Variants in PTPN9 observed in about 807,000 individuals in gnomAD.
PTPN9 encodes the protein tyrosine-protein phosphatase non-receptor type 9.
In PTPN9, 26 loss-of-function variants were observed where a neutral mutation model predicts 69.8. That is an observed-to-expected ratio of 0.37 (90% CI 0.27 to 0.52). PTPN9 has a LOEUF of 0.52. PTPN9 is among the 20% of genes least tolerant of loss of function. PTPN9 has a pLI of 0.91. For synonymous variants in PTPN9, 274 were observed against 272.5 expected (o/e 1.01, Z -0.05); for missense variants, 549 against 740.3 (o/e 0.74, Z 3.00).
chr15:75,557,462 G>A (rs1236132537), intron 1 of PTPN9, among the ~76,000 whole-genome samples: 1 of 151,890 alleles, frequency 6.6e-6, no homozygotes, highest in African/African-American at 2.4e-5. Context: ...AGAGAATAGT[G>A]CTGCTATGAC....
chr15:75,470,060 T>G, intron 11 of PTPN9, 61 bp from the exon 12 acceptor site: 7 of 1,461,188 alleles, frequency 4.8e-6, no homozygotes, highest in Non-Finnish European at 6.6e-6. Flanking sequence ...TAGCTACCTC[T>G]GGCTTTTCCA....
chr15:75,549,649 A>C (rs1472167039), intron 1 of PTPN9, among the ~76,000 whole-genome samples: 1 of 152,190 alleles, frequency 6.6e-6, no homozygotes, highest in Non-Finnish European at 1.5e-5. Flanking sequence ...AACCTAAAAG[A>C]AAAGTAACAG....
At chr15:75,485,872 G>A (rs1408447247) in intron 8 of PTPN9, among the ~76,000 whole-genome samples, 5 of 150,854 alleles carry the variant, frequency 3.3e-5, no homozygotes, top group African/African-American at 9.7e-5. Flanking sequence ...AGGCCAAGGC[G>A]GGCAGATCAC....
At chr15:75,511,931 CTCAAGGGT>C (rs2074847411) in intron 5 of PTPN9, among the ~76,000 whole-genome samples, 2 of 150,818 alleles carry the variant, frequency 1.3e-5, no homozygotes, top group Admixed American at 1.3e-4. Flanking sequence ...ACGATATCTG[CTCAAGGGT>C]TCAACCAATT....
intron 7 of PTPN9, among the ~76,000 whole-genome samples, chr15:75,498,810 G>A (rs1399667233): frequency 6.6e-6 from 1 of 152,170 alleles, no homozygotes; most frequent in Non-Finnish European, 1.5e-5. Flanking sequence ...GCAACGAGGG[G>A]AGCCTTGTGG....
chr15:75,535,769 T>A (rs2074980191), intron 1 of PTPN9, among the ~76,000 whole-genome samples: 1 of 152,196 alleles, frequency 6.6e-6, no homozygotes, highest in Non-Finnish European at 1.5e-5. Flanking sequence ...ACTGCCTTTT[T>A]ATATCTATTG....
chr15:75,514,100 CA>C (rs71140167), intron 5 of PTPN9, among the ~76,000 whole-genome samples: 24,931 of 114,704 alleles, frequency 0.22, 2,398 homozygotes, highest in Non-Finnish European at 0.28. Context: ...CACTCTGTCT[CA>C]AAAAAAAAAA....
intron 1 of PTPN9, among the ~76,000 whole-genome samples, chr15:75,564,732 G>T (rs2075119488): frequency 6.6e-6 from 1 of 152,082 alleles, no homozygotes; most frequent in Admixed American, 6.6e-5. Context: ...CAAGGTAGGA[G>T]GATCCCTTGA....
chr15:75,501,961 C>T (rs1378715904), intron 7 of PTPN9, among the ~76,000 whole-genome samples: 1 of 151,884 alleles, frequency 6.6e-6, no homozygotes, highest in East Asian at 1.9e-4. Flanking sequence ...AGTTTGAGAC[C>T]AGCCTGGGCA....
At chr15:75,558,490 AGAGT>A (rs2075087081) in intron 1 of PTPN9, among the ~76,000 whole-genome samples, 1 of 151,970 alleles carries the variant, frequency 6.6e-6, no homozygotes, top group South Asian at 2.1e-4. Context: ...CTGGGTGACA[AGAGT>A]GAGACTCTCC....
chr15:75,548,259 CT>C (rs902930341), intron 1 of PTPN9, among the ~76,000 whole-genome samples: 223 of 143,518 alleles, frequency 1.6e-3, no homozygotes, highest in East Asian at 2.6e-3. Context: ...TAAACTTCTT[CT>C]TTTTTTTTTT....
At position 75,488,941 on chromosome 15, in the gene PTPN9, C is replaced by T. The variant is rs572972952; in HGVS notation, c.1062+1267G>A. Among the ~76,000 whole-genome samples the T allele has an allele frequency of 7.9e-4, 120 of 151,960 alleles. 1 individual carries two copies. Among genetic ancestry groups the T allele is most frequent in the Non-Finnish European group, 1.5e-3 (102 of 67,962 alleles). On this transcript the variant is annotated intron_variant, in intron 8 of 12. Coordinates refer to ENST00000618819, the MANE Select transcript of PTPN9 (RefSeq NM_002833.4). ...CTGTAATCCCAGCACTTTGGGAGGCCGAGACGGGCGGATCACGAGGTCAGG... is the reference window on the plus strand; with the variant it reads ...CTGTAATCCCAGCACTTTGGGAGGCTGAGACGGGCGGATCACGAGGTCAGG...
chr15:75,515,284 C>T (rs1178363406), intron 5 of PTPN9, among the ~76,000 whole-genome samples: 1 of 151,664 alleles, frequency 6.6e-6, no homozygotes, highest in South Asian at 2.1e-4. Flanking sequence ...AAAAATTAGC[C>T]GGGCGTGGTG....
intron 10 of PTPN9, 117 bp downstream of exon 10, chr15:75,473,572 G>A: frequency 2.3e-6 from 2 of 887,258 alleles, no homozygotes. Flanking sequence ...TTACAGGCGT[G>A]AGCCACCGTG....
Position 75,527,524 on chromosome 15 carries a change from G to A in PTPN9, c.64-263C>T, listed in dbSNP as rs117301369. On this transcript the variant is annotated intron_variant, in intron 1 of 12. Transcript: ENST00000618819. ...CAGGTATGCATGAAAAAATGAGGGGGGAGAAGAGGGATCCTAAATGAGATG... is the reference window on the plus strand; with the variant it reads ...CAGGTATGCATGAAAAAATGAGGGGAGAGAAGAGGGATCCTAAATGAGATG... 1.9e-4 allele frequency among the ~76,000 whole-genome samples: 29 copies of A among 151,790 alleles called. No individual in the cohort carries two copies. The East Asian group carries it at 5.2e-3, about 27-fold the overall frequency.
intron 7 of PTPN9, among the ~76,000 whole-genome samples, chr15:75,502,576 A>G (rs1481708057): frequency 2.0e-5 from 3 of 152,174 alleles, no homozygotes; most frequent in Non-Finnish European, 4.4e-5. Flanking sequence ...TCAACTAGTT[A>G]CGAGCCAGAG....
At chr15:75,569,720 A>G (rs2075140837) in intron 1 of PTPN9, among the ~76,000 whole-genome samples, 1 of 151,502 alleles carries the variant, frequency 6.6e-6, no homozygotes, top group Non-Finnish European at 1.5e-5. Context: ...GCTCCTTTCT[A>G]AAGGAGGGTC....
chr15:75,564,570 G>A (rs1338009134), intron 1 of PTPN9, among the ~76,000 whole-genome samples: 2 of 151,210 alleles, frequency 1.3e-5, no homozygotes, highest in South Asian at 4.2e-4. Context: ...ACTCCAGCCT[G>A]GCCGACAGAG....
chr15:75,487,020 T>C (rs991800630), intron 8 of PTPN9, among the ~76,000 whole-genome samples: 1 of 151,948 alleles, frequency 6.6e-6, no homozygotes, highest in African/African-American at 2.4e-5. Context: ...CTCCTGACCT[T>C]GTGATCTGCC....
Sources: gnomAD v4.1 joint callset for allele counts (sites outside exome capture counted in the v4.1 genomes callset) on GRCh38, gnomAD v4.1.1 for gene constraint, MANE v1.5 for transcripts, NCBI Gene and HGNC (gene_info 2026-07-23, HGNC 2026-07-21) for gene names.